Variants in ITGB5 observed in about 807,000 individuals in gnomAD.
The protein encoded by ITGB5 is integrin subunit beta 5.
Under a neutral mutation model 84.8 loss-of-function variants are expected in ITGB5, and 38 were observed. The ratio of observed to expected loss-of-function variants is 0.45; its 90% CI spans 0.35 to 0.59. The LOEUF (loss-of-function observed/expected upper bound fraction) is 0.59. Among genes scored for constraint, ITGB5 ranks in the 20% least tolerant of loss-of-function variants. ITGB5 has a pLI of 0.01. For missense variants in ITGB5, 905 were observed against 1,034.5 expected (o/e 0.87, Z 1.72); for synonymous variants, 393 against 414.4 (o/e 0.95, Z 0.63).
intron 1 of ITGB5, among the ~76,000 whole-genome samples, chr3:124,882,944 C>G (rs1223062794): frequency 6.6e-6 from 1 of 152,166 alleles, no homozygotes; most frequent in Non-Finnish European, 1.5e-5. Flanking sequence ...AAGCAAGAAG[C>G]CTCAGAAACA....
chr3:124,801,562 G>A (rs537073041), intron 9 of ITGB5, among the ~76,000 whole-genome samples: 13 of 152,118 alleles, frequency 8.5e-5, no homozygotes, highest in Admixed American at 3.3e-4. Flanking sequence ...CCCCTCATAC[G>A]GGCCGTGTCC....
At chr3:124,861,386 G>A (rs892093975) in intron 2 of ITGB5, among the ~76,000 whole-genome samples, 1 of 149,994 alleles carries the variant, frequency 6.7e-6, no homozygotes, top group Non-Finnish European at 1.5e-5. Context: ...AGGATCGCTC[G>A]AGCCCAGGAG....
rs557638704 is a variant in ITGB5, at chr3:124,846,860, G to T, written c.611+1449C>A. Among the ~76,000 whole-genome samples the T allele has an allele frequency of 3.9e-5, 6 of 152,130 alleles. No individual in the cohort carries two copies. In the South Asian group the frequency reaches 1.0e-3, roughly 26 times the overall value. On this transcript the variant is annotated intron_variant, in intron 4 of 14. Coordinates refer to ENST00000296181, the MANE Select transcript of ITGB5 (RefSeq NM_002213.5). ...GGGGCAGGAGAATCGGCTTGAACCC[G>T]GGAGGCGGAGGTTGCAGGGAGCCGA...
chr3:124,788,406 C>T (rs560566715), intron 10 of ITGB5, among the ~76,000 whole-genome samples: 87 of 152,298 alleles, frequency 5.7e-4, no homozygotes, highest in Non-Finnish European at 9.6e-4. Flanking sequence ...GTGCTGGTTA[C>T]TGCCATGGTT....
At position 124,794,113 on chromosome 3, in the gene ITGB5, G is replaced by C. The variant is rs16836017; in HGVS notation, c.1693+2275C>G. ...CTTTCAAATCCACCCATCCCAATTG[G>C]AAGACCATTCTTAAGGAGGGAGCCC... is the stretch of plus-strand genomic sequence containing the variant. On this transcript the variant is annotated intron_variant, in intron 10 of 14. Transcript: ENST00000296181. Among the ~76,000 whole-genome samples the C allele has an allele frequency of 4.4e-3, 663 of 152,296 alleles. 9 individuals are homozygous for C. Among genetic ancestry groups the C allele is most frequent in the African/African-American group, 0.015 (629 of 41,554 alleles).
At chr3:124,774,931 A>C (rs1373081564) in intron 10 of ITGB5, among the ~76,000 whole-genome samples, 1 of 152,228 alleles carries the variant, frequency 6.6e-6, no homozygotes, top group East Asian at 1.9e-4. Flanking sequence ...AGACCCAGAA[A>C]GGTGAAGCAA....
At chr3:124,896,899 A>G (rs895978050) in intron 1 of ITGB5, among the ~76,000 whole-genome samples, 11 of 145,540 alleles carry the variant, frequency 7.6e-5, no homozygotes, top group African/African-American at 2.9e-4. Flanking sequence ...TGTCTCTACA[A>G]AAGAAAAAAG....
At chr3:124,896,940 A>T (rs564990064) in intron 1 of ITGB5, among the ~76,000 whole-genome samples, 1 of 152,102 alleles carries the variant, frequency 6.6e-6, no homozygotes, top group East Asian at 1.9e-4. Context: ...ATTTAAAAAG[A>T]AAAAGGAGGC....
chr3:124,830,567 C>G (rs150089084), intron 5 of ITGB5, among the ~76,000 whole-genome samples: 1 of 152,172 alleles, frequency 6.6e-6, no homozygotes, highest in African/African-American at 2.4e-5. Flanking sequence ...CTGGAAGGAA[C>G]CTCAGAGGTT....
intron 1 of ITGB5, among the ~76,000 whole-genome samples, chr3:124,882,997 G>T (rs1934644683): frequency 6.6e-6 from 1 of 152,114 alleles, no homozygotes; most frequent in African/African-American, 2.4e-5. Flanking sequence ...ATTTATAGAG[G>T]CCATTAATCC....
intron 1 of ITGB5, among the ~76,000 whole-genome samples, chr3:124,882,370 G>C (rs115973219): frequency 0.013 from 1,968 of 152,370 alleles, 58 homozygotes; most frequent in African/African-American, 0.043. Flanking sequence ...ATAGGGAGGA[G>C]GTTGCAGCTT....
At chr3:124,873,016 C>A (rs1428480743) in intron 2 of ITGB5, among the ~76,000 whole-genome samples, 2 of 149,428 alleles carry the variant, frequency 1.3e-5, no homozygotes, top group East Asian at 1.9e-4. Context: ...TCCATAAAGG[C>A]TAATTCCTAA....
chr3:124,764,671 G>C, intron 13 of ITGB5, 114 bp from the exon 14 acceptor site: 1 of 992,318 alleles, frequency 1.0e-6, no homozygotes, highest in Non-Finnish European at 1.5e-6. Context: ...CCTTCTCCTC[G>C]GCTCTCCCTT....
At chr3:124,862,447 G>A (rs1259712870) in intron 2 of ITGB5, 3 of 152,232 alleles carry the variant, frequency 2.0e-5, no homozygotes, top group Non-Finnish European at 4.4e-5. Flanking sequence ...TGCACTGGCA[G>A]TGAACTTCAT....
chr3:124,816,186 T>G (rs2064589375), intron 8 of ITGB5, among the ~76,000 whole-genome samples: 1 of 152,160 alleles, frequency 6.6e-6, no homozygotes, highest in East Asian at 1.9e-4. Flanking sequence ...TTCAGGACAC[T>G]GAGGCTCCAG....
rs376375369 is a variant in ITGB5, at chr3:124,813,935, G to A, written c.1128+3686C>T. Among the ~76,000 whole-genome samples the A allele has an allele frequency of 3.9e-4, 60 of 152,242 alleles. 1 individual carries two copies. In the South Asian group the frequency reaches 0.012, roughly 30 times the overall value. Reference sequence around the variant, plus strand: ...TCCCCTGGCAACCAGCCACCATCCTGAGGCTGTCCAGGAGCACCCCCCAAG... The same window carrying A: ...TCCCCTGGCAACCAGCCACCATCCTAAGGCTGTCCAGGAGCACCCCCCAAG... On this transcript the variant is annotated intron_variant, in intron 8 of 14. Transcript: ENST00000296181.
intron 2 of ITGB5, among the ~76,000 whole-genome samples, chr3:124,872,580 T>C (rs1450036595): frequency 1.3e-5 from 2 of 152,172 alleles, no homozygotes; most frequent in African/African-American, 2.4e-5. Flanking sequence ...ACGCACTGCA[T>C]TGCAGACTGA....
chr3:124,895,327 G>A (rs984212558), intron 1 of ITGB5, among the ~76,000 whole-genome samples: 15 of 152,228 alleles, frequency 9.9e-5, no homozygotes, highest in South Asian at 4.1e-4. Context: ...TGTGGGCTCC[G>A]GCAATCCTCC....
At chr3:124,848,637 CT>C (rs1426433003) in intron 3 of ITGB5, 79 bp from the exon 4 acceptor site, 13 of 1,471,000 alleles carry the variant, frequency 8.8e-6, no homozygotes, top group Non-Finnish European at 1.2e-5. Context: ...GCTTTCAAAG[CT>C]AGTTTGCCTC....
Sources: allele counts gnomAD v4.1 joint callset (sites outside exome capture counted in the v4.1 genomes callset), GRCh38; gene constraint gnomAD v4.1.1; transcripts MANE v1.5; gene names NCBI Gene and HGNC (gene_info 2026-07-23, HGNC 2026-07-21).